Variants in SGCG observed in about 807,000 individuals in gnomAD.
SGCG encodes sarcoglycan gamma.
In SGCG, 26 loss-of-function variants were observed where a neutral mutation model predicts 29.3. That is an observed-to-expected ratio of 0.89 (90% confidence interval 0.65 to 1.23). SGCG has a LOEUF of 1.23. Among genes scored for constraint, SGCG ranks in the 50% most tolerant of loss-of-function variants. SGCG has a pLI of 0.00. For missense variants in SGCG, 353 were observed against 356.0 expected (o/e 0.99, Z 0.07); for synonymous variants, 145 against 129.7 (o/e 1.12, Z -0.80).
At chr13:23,191,095 T>C (rs1453896657) in intron 1 of SGCG, among the ~76,000 whole-genome samples, 1 of 152,024 alleles carries the variant, frequency 6.6e-6, no homozygotes, top group East Asian at 1.9e-4. Context: ...TACTAAAAAG[T>C]TACATATTAA....
intron 2 of SGCG, among the ~76,000 whole-genome samples, chr13:23,230,136 G>A (rs989712788): frequency 6.6e-6 from 1 of 152,042 alleles, no homozygotes; most frequent in African/African-American, 2.4e-5. Flanking sequence ...TGTTCTTTTG[G>A]TCTGTGTCTG....
intron 5 of SGCG, among the ~76,000 whole-genome samples, chr13:23,285,824 A>G (rs537681313): frequency 6.6e-6 from 1 of 152,248 alleles, no homozygotes; most frequent in South Asian, 2.1e-4. Context: ...ACCATCCTTC[A>G]TGGCACAGTC....
At chr13:23,287,592 T>A (rs1881541016) in intron 5 of SGCG, among the ~76,000 whole-genome samples, 1 of 152,182 alleles carries the variant, frequency 6.6e-6, no homozygotes. Context: ...GTAGCTAAGT[T>A]TGCCATAATT....
intron 4 of SGCG, among the ~76,000 whole-genome samples, chr13:23,252,197 C>G (rs563859620): frequency 2.0e-5 from 3 of 152,038 alleles, no homozygotes; most frequent in African/African-American, 7.2e-5. Flanking sequence ...TTTATCTTTA[C>G]CATCATTTCT....
At chr13:23,314,254 G>T (rs1021518318) in intron 6 of SGCG, among the ~76,000 whole-genome samples, 20 of 149,330 alleles carry the variant, frequency 1.3e-4, no homozygotes, top group Non-Finnish European at 2.2e-4. Flanking sequence ...ATTAGTCAGG[G>T]TTCCCTAGAG....
chr13:23,234,831 G>A, intron 3 of SGCG, 119 bp downstream of exon 3: 4 of 707,544 alleles, frequency 5.7e-6, no homozygotes. Flanking sequence ...ACATATTCAT[G>A]ATATGCTCTT....
At chr13:23,252,716 AC>A (rs1309075191) in intron 4 of SGCG, among the ~76,000 whole-genome samples, 4 of 152,030 alleles carry the variant, frequency 2.6e-5, no homozygotes, top group African/African-American at 9.7e-5. Context: ...AAACAAACAA[AC>A]AAAAAAGTTA....
chr13:23,310,529 TG>T (rs975048966), intron 6 of SGCG, among the ~76,000 whole-genome samples: 2 of 152,210 alleles, frequency 1.3e-5, no homozygotes, highest in African/African-American at 4.8e-5. Flanking sequence ...TGCAGCATTA[TG>T]TTTCAGTTGT....
At position 23,203,824 on chromosome 13, in the gene SGCG, CTCA is replaced by C; in HGVS notation, c.136_138del (p.Ile46del). 6.2e-7 allele frequency: 1 copy of C among 1,614,032 alleles called. No homozygotes were observed. The highest frequency in any genetic ancestry group is 8.5e-7 in the Non-Finnish European group (1 of 1,179,892). Reference sequence around the variant, plus strand: ...TCTCTACTTGTTTGTTCTTCTTTTACTCATCATCCTCGTTGTGAATTTAGCTCT... The same window carrying C: ...TCTCTACTTGTTTGTTCTTCTTTTACTCATCCTCGTTGTGAATTTAGCTCT... On this transcript the variant is annotated inframe_deletion, in exon 2 of 8. Coordinates refer to ENST00000218867, the MANE Select transcript of SGCG (RefSeq NM_000231.3).
At chr13:23,266,210 T>C (rs1422223458) in intron 4 of SGCG, among the ~76,000 whole-genome samples, 1 of 151,200 alleles carries the variant, frequency 6.6e-6, no homozygotes, top group Non-Finnish European at 1.5e-5. Context: ...AGGTGGAGGT[T>C]GCAGTGAGCC....
chr13:23,177,671 A>G (rs1176363109), upstream of SGCG, among the ~76,000 whole-genome samples: 1 of 147,134 alleles, frequency 6.8e-6, no homozygotes, highest in African/African-American at 2.6e-5. Flanking sequence ...TCCCAGGTTC[A>G]AGCGATTGTC....
At chr13:23,216,160 C>T (rs952149925) in intron 2 of SGCG, among the ~76,000 whole-genome samples, 2 of 152,070 alleles carry the variant, frequency 1.3e-5, no homozygotes, top group Non-Finnish European at 2.9e-5. Context: ...GCAAATCTCA[C>T]GTCTTCTGAG....
the SGCG span, among the ~76,000 whole-genome samples, chr13:23,160,646 G>A: frequency 6.6e-6 from 1 of 152,144 alleles, no homozygotes; most frequent in Non-Finnish European, 1.5e-5. Flanking sequence ...AAGTACAGCA[G>A]GTAAAGAGAA....
intron 6 of SGCG, among the ~76,000 whole-genome samples, chr13:23,305,517 A>G (rs995906956): frequency 4.6e-5 from 7 of 152,204 alleles, no homozygotes; most frequent in African/African-American, 1.7e-4. Context: ...TCTCTAATCA[A>G]TTTCTCTTGG....
chr13:23,324,632 C>T lies in SGCG; in HGVS notation c.*91C>T, dbSNP rs1280400296. ...TGCACATCGTGAAAGACTGAGGCAG[C>T]GTGGATGGGAAGTAAACGCTTCCAG... On this transcript the variant is annotated 3_prime_UTR_variant, in exon 8 of 8. Transcript: ENST00000218867. 10 of 1,182,074 alleles carry T rather than the reference C, an allele frequency of 8.5e-6. No individual in the cohort carries two copies. Among genetic ancestry groups the T allele is most frequent in the South Asian group, 2.5e-5 (2 of 79,342 alleles). The allele number at this position is 1,182,074 out of a possible 1,614,324, so 73.2% of individuals were successfully genotyped here.
chr13:23,264,554 C>T (rs544634689), intron 4 of SGCG, among the ~76,000 whole-genome samples: 66 of 152,194 alleles, frequency 4.3e-4, no homozygotes, highest in South Asian at 2.7e-3. Context: ...CAGCATCATT[C>T]TTACAGAATT....
At chr13:23,304,567 A>T (rs1056675887) in intron 6 of SGCG, among the ~76,000 whole-genome samples, 15 of 152,000 alleles carry the variant, frequency 9.9e-5, no homozygotes, top group African/African-American at 3.4e-4. Flanking sequence ...TTCATGAGCC[A>T]GTAAGGAGTC....
intron 2 of SGCG, among the ~76,000 whole-genome samples, chr13:23,209,554 A>G (rs578220673): frequency 6.6e-6 from 1 of 152,246 alleles, no homozygotes; most frequent in Non-Finnish European, 1.5e-5. Context: ...GAAAGAATGC[A>G]GATATGCAAG....
At chr13:23,260,367 C>A (rs1880377207) in intron 4 of SGCG, among the ~76,000 whole-genome samples, 1 of 151,932 alleles carries the variant, frequency 6.6e-6, no homozygotes, top group Admixed American at 6.6e-5. Context: ...GGATTGCAAC[C>A]CCTGCTTTTA....
Sources: allele counts gnomAD v4.1 joint callset (sites outside exome capture counted in the v4.1 genomes callset), GRCh38; gene constraint gnomAD v4.1.1; transcripts MANE v1.5; gene names NCBI Gene and HGNC (gene_info 2026-07-23, HGNC 2026-07-21).